Variants in FAM185A observed in about 807,000 individuals in gnomAD.
FAM185A encodes family with sequence similarity 185 member A.
Under a neutral mutation model 45.7 loss-of-function variants are expected in FAM185A, and 21 were observed. That is an observed-to-expected ratio of 0.46 (90% CI 0.33 to 0.66). The LOEUF (loss-of-function observed/expected upper bound fraction) is 0.66. Among genes scored for constraint, FAM185A ranks in the 30% least tolerant of loss-of-function variants. The probability of loss-of-function intolerance (pLI) is 0.03; values close to 1 mark genes in which losing one functional copy is unlikely to be tolerated. For synonymous variants in FAM185A, 117 were observed against 194.0 expected (o/e 0.60, Z 3.30); for missense variants, 305 against 485.4 (o/e 0.63, Z 3.49).
intron 7 of FAM185A, among the ~76,000 whole-genome samples, chr7:102,803,117 T>C (rs1455711134): frequency 6.6e-6 from 1 of 152,102 alleles, no homozygotes; most frequent in African/African-American, 2.4e-5. Flanking sequence ...GAAGAATTGG[T>C]ACCAATCCTA....
At chr7:102,771,397 A>G (rs555694039) in intron 4 of FAM185A, among the ~76,000 whole-genome samples, 1 of 152,312 alleles carries the variant, frequency 6.6e-6, no homozygotes, top group Non-Finnish European at 1.5e-5. Flanking sequence ...TCAGTACACA[A>G]ACCAAGTTTT....
chr7:102,835,305 G>A, the FAM185A span, among the ~76,000 whole-genome samples: 1 of 152,040 alleles, frequency 6.6e-6, no homozygotes, highest in Non-Finnish European at 1.5e-5. Flanking sequence ...ACCTGTCACT[G>A]GAGATAATCA....
intron 7 of FAM185A, among the ~76,000 whole-genome samples, chr7:102,803,684 C>T (rs1796931508): frequency 7.5e-6 from 1 of 133,230 alleles, no homozygotes; most frequent in Non-Finnish European, 1.6e-5. Context: ...CTAGCCAGAG[C>T]AGTCAGACAA....
intron 6 of FAM185A, among the ~76,000 whole-genome samples, chr7:102,783,489 A>C (rs1227304024): frequency 6.6e-6 from 1 of 152,204 alleles, no homozygotes; most frequent in African/African-American, 2.4e-5. Flanking sequence ...ACTCAGGATT[A>C]AGAAACTCAC....
At chr7:102,821,035 A>ATC in the FAM185A span, among the ~76,000 whole-genome samples, 1 of 152,232 alleles carries the variant, frequency 6.6e-6, no homozygotes, top group Non-Finnish European at 1.5e-5. Context: ...TGATTGGCAA[A>ATC]ATATAATCAA....
chr7:102,813,583 A>G (rs773410692), downstream of FAM185A: 5 of 1,565,252 alleles, frequency 3.2e-6, no homozygotes, highest in Non-Finnish European at 4.3e-6. Context: ...CCCCTAGTGC[A>G]AAATTTTCAA....
At chr7:102,765,072 C>T (rs1437851735) in intron 4 of FAM185A, among the ~76,000 whole-genome samples, 3 of 152,204 alleles carry the variant, frequency 2.0e-5, no homozygotes. Context: ...TGTTTACTCT[C>T]AACTCCACAA....
At chr7:102,845,850 C>T in the FAM185A span, among the ~76,000 whole-genome samples, 18 of 152,188 alleles carry the variant, frequency 1.2e-4, no homozygotes, top group African/African-American at 4.1e-4. Context: ...CTGGCATTCC[C>T]ATGCTGGATT....
chr7:102,829,235 G>A, the FAM185A span, among the ~76,000 whole-genome samples: 7 of 152,234 alleles, frequency 4.6e-5, no homozygotes, highest in South Asian at 2.1e-4. Flanking sequence ...AGGAATCCTC[G>A]GCTTCTGTTG....
intron 7 of FAM185A, among the ~76,000 whole-genome samples, chr7:102,789,885 C>T (rs1014352494): frequency 8.5e-5 from 13 of 152,060 alleles, no homozygotes; most frequent in Non-Finnish European, 1.3e-4. Flanking sequence ...TTGTTAAAAA[C>T]GAAGACACAA....
chr7:102,752,179 A>G (rs1211432888), intron 2 of FAM185A, among the ~76,000 whole-genome samples: 2 of 152,158 alleles, frequency 1.3e-5, no homozygotes, highest in Non-Finnish European at 2.9e-5. Context: ...GATGACTTTA[A>G]TCACATTTTT....
chr7:102,808,614 TA>T lies in FAM185A; in HGVS notation c.*216del. Reference sequence around the variant, plus strand: ...ACAAATTACCACAAATTTAGCAGCATAAAATAATACTCATTTACAGCTATGT... The same window carrying T: ...ACAAATTACCACAAATTTAGCAGCATAAATAATACTCATTTACAGCTATGT... On this transcript the variant is annotated 3_prime_UTR_variant, in exon 8 of 8. Transcript: ENST00000413034. 1.9e-6 allele frequency: 1 copy of T among 531,552 alleles called. No individual in the cohort carries two copies. The highest frequency in any genetic ancestry group is 3.2e-5 in the East Asian group (1 of 31,004). 32.9% of individuals were successfully genotyped at this position (531,552 alleles called of 1,614,324 possible).
downstream of FAM185A, chr7:102,813,191 T>C (rs764607550): frequency 5.5e-6 from 4 of 733,204 alleles, no homozygotes; most frequent in Non-Finnish European, 8.8e-6. Context: ...ACTGATGTGT[T>C]TGGAAATATT....
At chr7:102,755,406 G>T (rs1373915415) in intron 2 of FAM185A, 1 of 593,674 alleles carries the variant, frequency 1.7e-6, no homozygotes, top group African/African-American at 1.9e-5. Flanking sequence ...CCCAGGCCCT[G>T]GAAGGCCAAA....
rs536304734 is a variant in FAM185A at position 102,803,139 on chromosome 7, C to G, written c.1067-5151C>G. Among the ~76,000 whole-genome samples the G allele has an allele frequency of 4.6e-5, 7 of 152,252 alleles. No homozygotes were observed. The South Asian group carries it at 1.5e-3, about 32-fold the overall frequency. The stretch of plus-strand genomic sequence containing the variant: ...TGGTACCAATCCTATTGACACTATT[C>G]CGCAAGACAGAGAAAGAAGGAACAC... On this transcript the variant is annotated intron_variant, in intron 7 of 7. Transcript: ENST00000413034.
intron 7 of FAM185A, among the ~76,000 whole-genome samples, chr7:102,794,216 G>T (rs1420124120): frequency 1.3e-5 from 2 of 151,878 alleles, no homozygotes; most frequent in African/African-American, 4.8e-5. Flanking sequence ...GTGGGGTTTT[G>T]TTTTATTATT....
intron 7 of FAM185A, among the ~76,000 whole-genome samples, chr7:102,792,863 C>T (rs538080140): frequency 9.3e-4 from 142 of 152,156 alleles, no homozygotes; most frequent in Non-Finnish European, 1.1e-3. Context: ...GTGGAATACT[C>T]GTTCATGGGT....
intron 5 of FAM185A, among the ~76,000 whole-genome samples, chr7:102,773,426 A>G (rs59529807): frequency 0.23 from 35,373 of 152,006 alleles, 4,602 homozygotes; most frequent in African/African-American, 0.36. Flanking sequence ...AAAGCAGGCT[A>G]TTAGAAGGCT....
In FAM185A at chr7:102,761,390, A is replaced by T. The variant is rs1426593458; in HGVS notation, c.772A>T (p.Ile258Phe). Reference sequence around the variant, plus strand: ...ATTTCTGTCTTCTGCTGCTGGGGATATTACATTAGGAAGTGTTCATGGTAA... The same window carrying T: ...ATTTCTGTCTTCTGCTGCTGGGGATTTTACATTAGGAAGTGTTCATGGTAA... ...SSFLSSAAGD[I>F]TLGSVHGNIT... The change falls in exon 4 of 8, where the codon ATT (isoleucine) becomes TTT (phenylalanine). Residue 258 changes from isoleucine to phenylalanine, a missense_variant. Transcript: ENST00000413034. The T allele has an allele frequency of 1.3e-6, 2 of 1,535,908 alleles. No individual in the cohort carries two copies. The highest frequency in any genetic ancestry group is 1.8e-6 in the Non-Finnish European group (2 of 1,141,630).
Sources: allele counts gnomAD v4.1 joint callset (sites outside exome capture counted in the v4.1 genomes callset), GRCh38; gene constraint gnomAD v4.1.1; transcripts MANE v1.5; gene names NCBI Gene and HGNC (gene_info 2026-07-23, HGNC 2026-07-21).